Variants in HIP1 observed in about 807,000 individuals in gnomAD.
The protein encoded by HIP1 is huntingtin-interacting protein 1.
In HIP1, 65 loss-of-function variants were observed where a neutral mutation model predicts 147.6. That is an observed-to-expected ratio of 0.44 (90% CI 0.36 to 0.54). The LOEUF is 0.54. Ranked by LOEUF, HIP1 falls within the 20% of genes least tolerant of loss-of-function variation. HIP1 has a pLI of 0.00. For synonymous variants in HIP1, 479 were observed against 504.0 expected, an observed-to-expected ratio of 0.95 and a Z score of 0.67; for missense variants, 1,061 against 1,299.6, an observed-to-expected ratio of 0.82 and a Z score of 2.82.
At chr7:75,621,780 G>A (rs1210173326) in intron 1 of HIP1, among the ~76,000 whole-genome samples, 1 of 152,186 alleles carries the variant, frequency 6.6e-6, no homozygotes, top group Non-Finnish European at 1.5e-5. Flanking sequence ...ATTATCTGAT[G>A]TTCTGGATCT....
chr7:75,668,152 C>G (rs1799617389), intron 1 of HIP1, among the ~76,000 whole-genome samples: 1 of 152,176 alleles, frequency 6.6e-6, no homozygotes, highest in African/African-American at 2.4e-5. Context: ...CCCATAATGG[C>G]TCATAAACCC....
At chr7:75,665,071 T>C (rs1799512533) in intron 1 of HIP1, among the ~76,000 whole-genome samples, 1 of 152,070 alleles carries the variant, frequency 6.6e-6, no homozygotes, top group Admixed American at 6.6e-5. Flanking sequence ...GGAAATATAG[T>C]GAATATAGTG....
chr7:75,554,064 C>T (rs782126416), intron 21 of HIP1, 49 bp downstream of exon 21: 3 of 1,423,770 alleles, frequency 2.1e-6, no homozygotes, highest in Admixed American at 3.5e-5. Flanking sequence ...CTTTTAAAGG[C>T]CCCCTGCTCC....
At chr7:75,592,631 G>A in intron 2 of HIP1, 117 bp from the exon 3 acceptor site, 5 of 1,077,490 alleles carry the variant, frequency 4.6e-6, no homozygotes, top group Non-Finnish European at 5.2e-6. Context: ...AGGGGATAGA[G>A]GCTGCACCCA....
Position 75,559,896 on chromosome 7 carries a change from T to C in HIP1, c.1211A>G (p.Gln404Arg). ...CAGCTCGCTGACGTGGCCCTTCAGC[T>C]GCAGCACAACCCGCTGGCTCTGTGG... Reference protein sequence around the residue: ...MKTESQRVVLQLKGHVSELEA... With the variant: ...MKTESQRVVLRLKGHVSELEA... Residue 404 changes from glutamine (Q) to arginine (R), a missense_variant, in exon 14 of 31, where the codon CAG becomes CGG. Coordinates refer to ENST00000336926, the MANE Select transcript of HIP1 (RefSeq NM_005338.7). 1 of 1,607,738 alleles carries C rather than the reference T, an allele frequency of 6.2e-7. No homozygotes were observed. The highest frequency in any genetic ancestry group is 8.5e-7 in the Non-Finnish European group (1 of 1,178,266).
At chr7:75,690,274 A>T (rs1170938244) in intron 1 of HIP1, among the ~76,000 whole-genome samples, 1 of 29,118 alleles carries the variant, frequency 3.4e-5, no homozygotes, top group Non-Finnish European at 5.9e-5. Flanking sequence ...ACTTTGTCAC[A>T]CACACACACA....
chr7:75,549,262 G>A (rs782457983), intron 22 of HIP1, among the ~76,000 whole-genome samples: 12 of 151,790 alleles, frequency 7.9e-5, no homozygotes, highest in Non-Finnish European at 1.0e-4. Flanking sequence ...AGGCCATTCC[G>A]CCACCACTAA....
chr7:75,592,453 G>T lies in HIP1; in HGVS notation c.246C>A (p.Arg82=). The T allele has an allele frequency of 6.2e-7, 1 of 1,612,676 alleles. No individual in the cohort carries two copies. Among genetic ancestry groups the T allele is most frequent in the Non-Finnish European group, 8.5e-7 (1 of 1,179,708 alleles). The change falls in exon 3 of 31, where the codon CGC becomes CGA. Residue 82 remains arginine, a synonymous_variant. Coordinates refer to ENST00000336926, the MANE Select transcript of HIP1 (RefSeq NM_005338.7). ...GCACTGCGTTGCTAGACAGAGGCAG[G>T]CGGTTGACAACAGACCAGAAGGTCT... is the stretch of plus-strand genomic sequence containing the variant. ...GAQTFWSVVN[R]LPLSSNAVLC... is the part of the protein sequence containing the mutation.
At chr7:75,567,811 A>T (rs1554495854) in intron 9 of HIP1, among the ~76,000 whole-genome samples, 1 of 146,418 alleles carries the variant, frequency 6.8e-6, no homozygotes, top group Non-Finnish European at 1.5e-5. Context: ...CAAGTATTTA[A>T]AAAAAATTTT....
At chr7:75,641,198 C>T (rs1386127950) in intron 1 of HIP1, among the ~76,000 whole-genome samples, 5 of 151,950 alleles carry the variant, frequency 3.3e-5, no homozygotes, top group Admixed American at 6.6e-5. Context: ...CCCAGCCACT[C>T]GATAGGGTGA....
At chr7:75,553,347 TA>T in intron 22 of HIP1, 105 bp downstream of exon 22, 1 of 1,360,466 alleles carries the variant, frequency 7.4e-7, no homozygotes, top group Non-Finnish European at 1.0e-6. Flanking sequence ...AATCAAGTTC[TA>T]AGTGCAGAAA....
At chr7:75,711,350 G>A (rs1554520099) in intron 1 of HIP1, among the ~76,000 whole-genome samples, 1 of 152,120 alleles carries the variant, frequency 6.6e-6, no homozygotes, top group African/African-American at 2.4e-5. Context: ...CATGATGCTT[G>A]TGTACTGATC....
chr7:75,611,088 T>TC (rs1797417411), intron 1 of HIP1, among the ~76,000 whole-genome samples: 2 of 28,494 alleles, frequency 7.0e-5, no homozygotes, highest in Admixed American at 7.9e-4. Flanking sequence ...GTATTTTGTA[T>TC]TTTTTTTTTT....
At chr7:75,736,646 G>T (rs1554523707) in intron 1 of HIP1, among the ~76,000 whole-genome samples, 1 of 152,078 alleles carries the variant, frequency 6.6e-6, no homozygotes, top group Non-Finnish European at 1.5e-5. Flanking sequence ...TAACATCCAA[G>T]ACCAATGGAA....
chr7:75,677,583 C>CTG (rs1799938712), intron 1 of HIP1, among the ~76,000 whole-genome samples: 1 of 125,044 alleles, frequency 8.0e-6, no homozygotes. Context: ...CCAGCCTGGG[C>CTG]AACAGTGCAA....
Position 75,599,085 on chromosome 7 carries a change from C to T in HIP1, c.184+99G>A. The T allele has an allele frequency of 9.2e-6, 8 of 871,656 alleles. 1 individual carries two copies. Among genetic ancestry groups the T allele is most frequent in the South Asian group, 5.5e-5 (4 of 72,550 alleles). The allele number at this position is 871,656 out of a possible 1,614,324, so 54.0% of individuals were successfully genotyped here. On this transcript the variant is annotated intron_variant, in intron 2 of 30. Coordinates refer to ENST00000336926, the MANE Select transcript of HIP1 (RefSeq NM_005338.7). ...AGGGACCTGGCCTGTGCAGGGTTGC[C>T]CCTTCCTGGAGCTGAGCAAGGCAGC...
chr7:75,683,112 G>A (rs782111841), intron 1 of HIP1, among the ~76,000 whole-genome samples: 1 of 152,026 alleles, frequency 6.6e-6, no homozygotes, highest in Non-Finnish European at 1.5e-5. Context: ...CTCCCGAGCA[G>A]CTGGGACTAC....
intron 13 of HIP1, 73 bp from the exon 14 acceptor site, chr7:75,559,988 T>G (rs1584797876): frequency 7.2e-7 from 1 of 1,394,092 alleles, no homozygotes; most frequent in Non-Finnish European, 9.5e-7. Context: ...GAGAAGCGGG[T>G]CCTACCATGC....
At chr7:75,538,542 CA>C (rs1794172161) in intron 30 of HIP1, among the ~76,000 whole-genome samples, 1 of 144,824 alleles carries the variant, frequency 6.9e-6, no homozygotes, top group South Asian at 2.2e-4. Context: ...GACTCCATGC[CA>C]CTCCATTTCT....
Sources: allele counts gnomAD v4.1 joint callset (sites outside exome capture counted in the v4.1 genomes callset), GRCh38; gene constraint gnomAD v4.1.1; transcripts MANE v1.5; gene names NCBI Gene and HGNC (gene_info 2026-07-23, HGNC 2026-07-21).